The following AGBL2 variants were observed in gnomAD, a reference collection of about 807,000 sequenced individuals.
AGBL2 encodes the protein AGBL carboxypeptidase 2.
AGBL2 carries 87 observed loss-of-function variants against 103.0 expected under a neutral mutation model. The observed-to-expected ratio is 0.84, with a 90% CI of 0.71 to 1.01. The LOEUF (loss-of-function observed/expected upper bound fraction) is 1.01. Ranked by LOEUF, AGBL2 falls within the 50% of genes least tolerant of loss-of-function variation. The pLI is 0.00. For synonymous variants in AGBL2, 335 were observed against 356.7 expected (o/e 0.94, Z 0.69); for missense variants, 904 against 1,023.5 (o/e 0.88, Z 1.59).
chr11:47,660,877 C>T (rs1039169198), intron 18 of AGBL2, among the ~76,000 whole-genome samples: 1 of 152,034 alleles, frequency 6.6e-6, no homozygotes, highest in Admixed American at 6.6e-5. Context: ...ATTTTAATTG[C>T]CCCCAAAAGC....
At position 47,690,401 on chromosome 11, in the gene AGBL2, A is replaced by G. The variant is rs747872000; in HGVS notation, c.1306T>C (p.Leu436=). ...CRSLAGNTVY[L]LTITNPSQTP... is the part of the protein sequence containing the mutation. ...TGGGATGGGTTGGTGATGGTGAGCA[A>G]GTAAACGGTATTTCCTGCTAGGCTC... The change falls in exon 10 of 19, where the codon TTG becomes CTG. Residue 436 remains leucine (L), a synonymous_variant. Coordinates refer to ENST00000525123, the MANE Select transcript of AGBL2 (RefSeq NM_024783.4). 1.2e-6 allele frequency: 2 copies of G among 1,614,048 alleles called. No individual in the cohort carries two copies. The highest frequency in any genetic ancestry group is 2.2e-5 in the East Asian group (1 of 44,900).
At chr11:47,706,150 G>A (rs1599090370) in intron 4 of AGBL2, among the ~76,000 whole-genome samples, 1 of 152,198 alleles carries the variant, frequency 6.6e-6, no homozygotes, top group African/African-American at 2.4e-5. Flanking sequence ...GTTTGGGCAC[G>A]GTAGCTCACA....
rs61737887 is a variant in AGBL2, at chr11:47,690,158, C to A, written c.1549G>T (p.Gly517Ter). ...TTATAATGCCTGTTCAAATCCCTTC[C>A]GGCCAAGGAACACCGATAATTCCCC... Reference protein sequence around the residue: ...IVGNYRCSLAGRDLNRHYKTI... With the variant: ...IVGNYRCSLA The change falls in exon 10 of 19, where the codon GGA becomes TGA. Residue 517 changes from glycine (G) to a stop codon, truncating the protein, a stop_gained. Transcript: ENST00000525123. LOFTEE classifies it high-confidence loss of function. 3.7e-6 allele frequency: 6 copies of A among 1,614,096 alleles called. No homozygotes were observed. In the African/African-American group the frequency reaches 4.0e-5, roughly 11 times the overall value.
chr11:47,701,426 T>C (rs1361419207), intron 7 of AGBL2, among the ~76,000 whole-genome samples: 2 of 147,118 alleles, frequency 1.4e-5, no homozygotes, highest in Admixed American at 1.4e-4. Flanking sequence ...GCCGAGATTG[T>C]GCCATTGCAC....
chr11:47,686,061 GCAAA>G lies in AGBL2; in HGVS notation c.1632-16_1632-13del. The G allele has an allele frequency of 6.2e-7, 1 of 1,612,714 alleles. No individual in the cohort carries two copies. Among genetic ancestry groups the G allele is most frequent in the Non-Finnish European group, 8.5e-7 (1 of 1,179,560 alleles). On this transcript the variant is annotated splice_polypyrimidine_tract_variant and intron_variant, in intron 10 of 18. Coordinates refer to ENST00000525123, the MANE Select transcript of AGBL2 (RefSeq NM_024783.4). Reference sequence around the variant, plus strand: ...TTTCTTCAAGAAGTCTATTGAGGGGGCAAACAAAGGACTCAGTGGACACCCAAAT... The same window carrying G: ...TTTCTTCAAGAAGTCTATTGAGGGGGCAAAGGACTCAGTGGACACCCAAAT...
intron 3 of AGBL2, among the ~76,000 whole-genome samples, chr11:47,712,740 C>G (rs2097539219): frequency 6.6e-6 from 1 of 151,796 alleles, no homozygotes; most frequent in South Asian, 2.1e-4. Context: ...CCTGTGTCTA[C>G]TAAAAATACC....
At chr11:47,673,607 A>G (rs1328781594) in intron 14 of AGBL2, among the ~76,000 whole-genome samples, 2 of 151,600 alleles carry the variant, frequency 1.3e-5, no homozygotes, top group Non-Finnish European at 2.9e-5. Flanking sequence ...CCTGGGCAAC[A>G]AGAGCGAAAT....
intron 4 of AGBL2, among the ~76,000 whole-genome samples, chr11:47,707,454 C>A (rs968934185): frequency 6.6e-6 from 1 of 152,080 alleles, no homozygotes; most frequent in Admixed American, 6.6e-5. Context: ...ATAAATGGCA[C>A]CAGGCCAAGA....
chr11:47,670,797 C>A (rs931765773), intron 14 of AGBL2, among the ~76,000 whole-genome samples: 1 of 151,314 alleles, frequency 6.6e-6, no homozygotes, highest in African/African-American at 2.4e-5. Context: ...AGTTTGAGAC[C>A]AGCCTGGGCA....
chr11:47,664,889 T>TA (rs1211293060), intron 17 of AGBL2, among the ~76,000 whole-genome samples: 6 of 127,242 alleles, frequency 4.7e-5, no homozygotes, highest in Admixed American at 8.1e-5. Flanking sequence ...TTTTTTTTTT[T>TA]TTTTTAATTT....
intron 11 of AGBL2, among the ~76,000 whole-genome samples, chr11:47,684,534 C>T (rs10838745): frequency 0.36 from 52,442 of 146,012 alleles, 10,374 homozygotes; most frequent in South Asian, 0.52. Flanking sequence ...CCATCCTGGG[C>T]GACAGAACAA....
At chr11:47,701,866 T>C (rs185890144) in intron 7 of AGBL2, among the ~76,000 whole-genome samples, 2 of 150,372 alleles carry the variant, frequency 1.3e-5, no homozygotes, top group Admixed American at 1.3e-4. Flanking sequence ...CCCAGCTACT[T>C]GGGAGGCTGT....
intron 14 of AGBL2, among the ~76,000 whole-genome samples, chr11:47,675,096 C>T (rs1339076290): frequency 1.6e-4 from 25 of 151,630 alleles, no homozygotes; most frequent in African/African-American, 2.4e-5. Flanking sequence ...TCGTCTCAGT[C>T]GCCTTTGCTG....
Position 47,682,089 on chromosome 11 carries a change from A to C in AGBL2, c.1795T>G (p.Phe599Val). 6.2e-7 allele frequency: 1 copy of C among 1,613,454 alleles called. No homozygotes were observed. The highest frequency in any genetic ancestry group is 8.5e-7 in the Non-Finnish European group (1 of 1,179,772). Residue 599 changes from phenylalanine to valine, a missense_variant, in exon 12 of 19, where the codon TTT becomes GTT. Coordinates refer to ENST00000525123, the MANE Select transcript of AGBL2 (RefSeq NM_024783.4). ...LCKNAPDKFS[F>V]HSCNFKVQKC... ...TGGACCTTAAAATTACAACTGTGAA[A>C]AGAGAACTAAAAAGAAATCCAAATT...
chr11:47,686,149 T>G, intron 10 of AGBL2, 100 bp from the exon 11 acceptor site: 1 of 1,231,002 alleles, frequency 8.1e-7, no homozygotes, highest in Non-Finnish European at 1.1e-6. Context: ...TGTTAATACT[T>G]TCCCTCCTAA....
rs775706835 is a variant in AGBL2, at chr11:47,660,214, T to C, written c.2668A>G (p.Met890Val). The C allele has an allele frequency of 6.2e-7, 1 of 1,614,206 alleles. No individual in the cohort carries two copies. Among genetic ancestry groups the C allele is most frequent in the African/African-American group, 1.3e-5 (1 of 75,072 alleles). ...ATGTGCAAGGATGGGTATGCCGCCATGGCAGCACAGCCTCTCTTTGTGGCA... is the reference window on the plus strand; with the variant it reads ...ATGTGCAAGGATGGGTATGCCGCCACGGCAGCACAGCCTCTCTTTGTGGCA... ...YPATKRGCAA[M>V]AAYPSLHIYT... is the part of the protein sequence containing the mutation. The change falls in exon 19 of 19, where the codon ATG becomes GTG. Residue 890 changes from methionine to valine, a missense_variant. Coordinates refer to ENST00000525123, the MANE Select transcript of AGBL2 (RefSeq NM_024783.4).
intron 3 of AGBL2, among the ~76,000 whole-genome samples, chr11:47,712,271 C>G (rs1297544479): frequency 6.6e-6 from 1 of 151,936 alleles, no homozygotes; most frequent in Non-Finnish European, 1.5e-5. Context: ...GGAACCTCCC[C>G]CCTGTAGATA....
intron 14 of AGBL2, among the ~76,000 whole-genome samples, chr11:47,670,186 C>T (rs1032685927): frequency 6.6e-6 from 1 of 152,202 alleles, no homozygotes; most frequent in African/African-American, 2.4e-5. Context: ...CTCATTTATT[C>T]CTCTTTGGCT....
At chr11:47,708,215 G>C (rs1318991200) in intron 4 of AGBL2, among the ~76,000 whole-genome samples, 1 of 151,904 alleles carries the variant, frequency 6.6e-6, no homozygotes, top group African/African-American at 2.4e-5. Context: ...TTACAGGTGG[G>C]CACCATCACG....
Sources: gnomAD v4.1 joint callset for allele counts (sites outside exome capture counted in the v4.1 genomes callset) on GRCh38, gnomAD v4.1.1 for gene constraint, MANE v1.5 for transcripts, NCBI Gene and HGNC (gene_info 2026-07-23, HGNC 2026-07-21) for gene names.